CRISP1: variants seen among roughly 807,000 people sequenced by gnomAD.
The protein encoded by CRISP1 is cysteine-rich secretory protein 1.
In CRISP1, 44 loss-of-function variants were observed where a neutral mutation model predicts 33.1. That is an observed-to-expected ratio of 1.33 (90% CI 1.05 to 1.71). The LOEUF (loss-of-function observed/expected upper bound fraction) is 1.71, where lower values mean the gene tolerates loss of function less well. Ranked by LOEUF, CRISP1 falls within the 40% of genes most tolerant of loss-of-function variation. The pLI, the probability that CRISP1 is intolerant of heterozygous loss-of-function variation, is 0.00. For missense variants in CRISP1, 390 were observed against 301.2 expected (o/e 1.29, Z -2.18); for synonymous variants, 103 against 98.7 (o/e 1.04, Z -0.26).
intron 2 of CRISP1, among the ~76,000 whole-genome samples, chr6:49,855,223 A>G (rs1003935258): frequency 1.3e-5 from 2 of 152,102 alleles, no homozygotes; most frequent in African/African-American, 4.8e-5. Flanking sequence ...TACTATGTCT[A>G]TAGCCTCTCT....
chr6:49,844,145 T>C (rs1327771070), intron 5 of CRISP1, among the ~76,000 whole-genome samples: 1 of 152,150 alleles, frequency 6.6e-6, no homozygotes, highest in Non-Finnish European at 1.5e-5. Flanking sequence ...AATGAGAAAG[T>C]ATTTTCAAAA....
chr6:49,839,186 G>A (rs1479095424), intron 6 of CRISP1, among the ~76,000 whole-genome samples: 1 of 138,522 alleles, frequency 7.2e-6, no homozygotes, highest in East Asian at 2.2e-4. Context: ...TGTAATCCCA[G>A]CACTTTGAGA....
At chr6:49,844,636 A>G (rs185335664) in intron 5 of CRISP1, among the ~76,000 whole-genome samples, 141 of 132,426 alleles carry the variant, frequency 1.1e-3, no homozygotes, top group Non-Finnish European at 9.7e-4. Context: ...CCACAGAGCC[A>G]TGGGTGATGC....
chr6:49,840,839 G>GA, intron 6 of CRISP1, 59 bp downstream of exon 6: 1 of 1,358,124 alleles, frequency 7.4e-7, no homozygotes, highest in Non-Finnish European at 1.0e-6. Flanking sequence ...AACAATGTTT[G>GA]AAAAACTAGA....
At chr6:49,836,586 G>A (rs112321459) in intron 7 of CRISP1, among the ~76,000 whole-genome samples, 4,236 of 151,848 alleles carry the variant, frequency 0.028, 201 homozygotes, top group African/African-American at 0.097. Flanking sequence ...TGATCCGCCC[G>A]CCTCGGCCTC....
chr6:49,839,550 T>C (rs926685581), intron 6 of CRISP1, among the ~76,000 whole-genome samples: 26 of 152,222 alleles, frequency 1.7e-4, no homozygotes, highest in Middle Eastern at 3.4e-3. Context: ...AAAAAGTAAA[T>C]GTTCTGGTTT....
Position 49,849,430 on chromosome 6 carries a change from G to A in CRISP1, c.196-1131C>T, listed in dbSNP as rs144320260. On this transcript the variant is annotated intron_variant, in intron 3 of 7. Transcript: ENST00000335847. ...CCTCCTATATAAACTTTTAACTTTG[G>A]TTGGTTAGGGAGAGGGAGGGATTTG... is the stretch of plus-strand genomic sequence containing the variant. 2.3e-4 allele frequency among the ~76,000 whole-genome samples: 35 copies of A among 152,178 alleles called. No homozygotes were observed. In the East Asian group the frequency reaches 6.6e-3, roughly 29 times the overall value.
At chr6:49,847,395 G>T (rs994977923) in intron 4 of CRISP1, among the ~76,000 whole-genome samples, 2 of 152,086 alleles carry the variant, frequency 1.3e-5, no homozygotes, top group South Asian at 4.1e-4. Flanking sequence ...AGAACTTGGT[G>T]CTGTCTTCAT....
intron 6 of CRISP1, 120 bp downstream of exon 6, chr6:49,840,778 G>T: frequency 1.5e-6 from 1 of 685,744 alleles, no homozygotes; most frequent in Non-Finnish European, 2.4e-6. Flanking sequence ...GTTATTTCCA[G>T]CTCTTGTCTA....
chr6:49,862,321 G>T (rs1771675245), intron 1 of CRISP1, among the ~76,000 whole-genome samples: 1 of 151,884 alleles, frequency 6.6e-6, no homozygotes, highest in South Asian at 2.1e-4. Context: ...TCTTATGAAA[G>T]AAATTGAAAA....
intron 3 of CRISP1, 101 bp from the exon 4 acceptor site, chr6:49,848,400 G>C (rs1771254417): frequency 1.7e-6 from 1 of 583,960 alleles, no homozygotes; most frequent in Non-Finnish European, 2.8e-6. Flanking sequence ...ATCTTCAATT[G>C]TATCAACTAG....
intron 3 of CRISP1, among the ~76,000 whole-genome samples, chr6:49,848,622 C>G (rs1185723375): frequency 6.6e-6 from 1 of 152,116 alleles, no homozygotes; most frequent in African/African-American, 2.4e-5. Flanking sequence ...AGTTTAAACT[C>G]AGACATGTTA....
intron 5 of CRISP1, among the ~76,000 whole-genome samples, chr6:49,846,054 C>A (rs145182933): frequency 1.1e-4 from 16 of 152,054 alleles, no homozygotes; most frequent in Admixed American, 7.9e-4. Flanking sequence ...AATATTCTGG[C>A]GATGGCGTTG....
chr6:49,867,593 G>A (rs79721185), upstream of CRISP1, among the ~76,000 whole-genome samples: 361 of 152,072 alleles, frequency 2.4e-3, 10 homozygotes, highest in East Asian at 0.061. Flanking sequence ...AAAGATCAGA[G>A]TCTCTTAAGA....
chr6:49,854,343 C>T (rs1771434557), intron 2 of CRISP1, among the ~76,000 whole-genome samples: 1 of 152,104 alleles, frequency 6.6e-6, no homozygotes, highest in South Asian at 2.1e-4. Context: ...TGGCCCTTCC[C>T]AGCAGTGTTT....
At chr6:49,876,582 C>T (rs555673059) in intron 1 of CRISP1, among the ~76,000 whole-genome samples, 2 of 152,062 alleles carry the variant, frequency 1.3e-5, no homozygotes, top group African/African-American at 2.4e-5. Flanking sequence ...GATACATGCA[C>T]ATGTGTGTTC....
chr6:49,838,645 G>A (rs1770883982), intron 6 of CRISP1, 120 bp from the exon 7 acceptor site: 1 of 676,856 alleles, frequency 1.5e-6, no homozygotes, highest in African/African-American at 1.9e-5. Flanking sequence ...AAAGAACAGT[G>A]ATAATTTTTA....
chr6:49,848,503 T>C (rs1415202355), intron 3 of CRISP1, among the ~76,000 whole-genome samples: 1 of 152,136 alleles, frequency 6.6e-6, no homozygotes, highest in African/African-American at 2.4e-5. Context: ...ATTCACAAAT[T>C]CAAAACTTGG....
intron 3 of CRISP1, among the ~76,000 whole-genome samples, chr6:49,848,859 C>T (rs1771265024): frequency 6.6e-6 from 1 of 151,966 alleles, no homozygotes; most frequent in Non-Finnish European, 1.5e-5. Context: ...AATCTGTCAC[C>T]AATTCTGTGT....
Sources: gnomAD v4.1 joint callset for allele counts (sites outside exome capture counted in the v4.1 genomes callset) on GRCh38, gnomAD v4.1.1 for gene constraint, MANE v1.5 for transcripts, NCBI Gene and HGNC (gene_info 2026-07-23, HGNC 2026-07-21) for gene names.